B3GALT1: variants seen among roughly 807,000 people sequenced by gnomAD.
B3GALT1 encodes the protein beta-1,3-galactosyltransferase 1.
A neutral mutation model predicts 23.2 loss-of-function variants in B3GALT1; 10 were observed. That is an observed-to-expected ratio of 0.43 (90% CI 0.27 to 0.73). The LOEUF is 0.73. Ranked by LOEUF, B3GALT1 falls within the 30% of genes least tolerant of loss-of-function variation. B3GALT1 has a pLI of 0.21. For missense variants in B3GALT1, 299 were observed against 405.4 expected, an observed-to-expected ratio of 0.74 and a Z score of 2.25; for synonymous variants, 156 against 141.5, an observed-to-expected ratio of 1.10 and a Z score of -0.73.
intron 1 of B3GALT1, among the ~76,000 whole-genome samples, chr2:167,311,566 A>G (rs1696634717): frequency 1.3e-5 from 2 of 152,070 alleles, no homozygotes; most frequent in Non-Finnish European, 2.9e-5. Flanking sequence ...TATGTAAACT[A>G]TAATATAGCT....
At chr2:167,453,310 G>T (rs559255652) in intron 1 of B3GALT1, among the ~76,000 whole-genome samples, 1 of 152,296 alleles carries the variant, frequency 6.6e-6, no homozygotes, top group Non-Finnish European at 1.5e-5. Context: ...CTACACTAAA[G>T]CAGGTAATCC....
chr2:167,317,777 C>G (rs918206048), intron 1 of B3GALT1, among the ~76,000 whole-genome samples: 1 of 152,060 alleles, frequency 6.6e-6, no homozygotes, highest in Non-Finnish European at 1.5e-5. Flanking sequence ...TTTCCTGACA[C>G]ATTGCAGAAT....
intron 1 of B3GALT1, among the ~76,000 whole-genome samples, chr2:167,393,059 C>T (rs914526035): frequency 1.3e-5 from 2 of 151,920 alleles, no homozygotes; most frequent in South Asian, 2.1e-4. Flanking sequence ...ACGGTGAAAC[C>T]CCGTCTCTAC....
chr2:167,676,552 C>CACACACACACAT (rs1466101030), intron 3 of B3GALT1, among the ~76,000 whole-genome samples: 6 of 131,394 alleles, frequency 4.6e-5, no homozygotes, highest in Non-Finnish European at 9.3e-5. Flanking sequence ...CACACACACA[C>CACACACACACAT]ACATATATAT....
intron 3 of B3GALT1, among the ~76,000 whole-genome samples, chr2:167,790,943 A>G (rs1400761704): frequency 6.6e-6 from 1 of 152,118 alleles, no homozygotes. Flanking sequence ...TCCTAGTTAT[A>G]TTATTACATT....
chr2:167,434,176 A>G (rs150244484), intron 1 of B3GALT1, among the ~76,000 whole-genome samples: 1,924 of 152,320 alleles, frequency 0.013, 17 homozygotes, highest in Non-Finnish European at 0.019. Context: ...TTTAAGCAAA[A>G]AGAACCTAAC....
intron 3 of B3GALT1, among the ~76,000 whole-genome samples, chr2:167,773,855 T>C (rs775643539): frequency 7.9e-5 from 12 of 152,244 alleles, no homozygotes; most frequent in Admixed American, 1.3e-4. Context: ...CATTCATTCT[T>C]GCCAGTCTAC....
At chr2:167,693,312 A>G (rs538989319) in intron 3 of B3GALT1, among the ~76,000 whole-genome samples, 17 of 152,236 alleles carry the variant, frequency 1.1e-4, no homozygotes, top group East Asian at 5.8e-4. Context: ...CCAGATGCCA[A>G]TGAGTGTGGC....
At chr2:167,562,673 T>A (rs1377375381) in intron 2 of B3GALT1, among the ~76,000 whole-genome samples, 1 of 147,464 alleles carries the variant, frequency 6.8e-6, no homozygotes, top group African/African-American at 2.6e-5. Flanking sequence ...TTTTAATTGA[T>A]CATTCTTGGG....
intron 1 of B3GALT1, among the ~76,000 whole-genome samples, chr2:167,441,558 T>G (rs140000754): frequency 0.013 from 1,923 of 152,326 alleles, 23 homozygotes; most frequent in Middle Eastern, 0.044. Flanking sequence ...TCGTGTTATC[T>G]TCCAGAAACT....
intron 2 of B3GALT1, among the ~76,000 whole-genome samples, chr2:167,623,748 T>C (rs1215806900): frequency 6.6e-6 from 1 of 152,046 alleles, no homozygotes; most frequent in Non-Finnish European, 1.5e-5. Context: ...ACTTAAAGTA[T>C]AATAATTAAC....
At chr2:167,366,742 C>A (rs1386908985) in intron 1 of B3GALT1, among the ~76,000 whole-genome samples, 3 of 152,148 alleles carry the variant, frequency 2.0e-5, no homozygotes, top group Non-Finnish European at 4.4e-5. Context: ...GCTGGAGGAT[C>A]CACTCATAAG....
At chr2:167,738,620 C>T (rs1687527832) in intron 3 of B3GALT1, among the ~76,000 whole-genome samples, 1 of 152,054 alleles carries the variant, frequency 6.6e-6, no homozygotes, top group Admixed American at 6.6e-5. Flanking sequence ...AATATGGATA[C>T]ACAAACAAAC....
At chr2:167,862,320 T>C (rs1488938339) in intron 4 of B3GALT1, among the ~76,000 whole-genome samples, 4 of 152,272 alleles carry the variant, frequency 2.6e-5, no homozygotes, top group South Asian at 4.1e-4. Context: ...TAAATCGCAG[T>C]CTGAGCCCAA....
intron 2 of B3GALT1, among the ~76,000 whole-genome samples, chr2:167,507,654 C>T (rs1699940795): frequency 6.6e-6 from 1 of 151,504 alleles, no homozygotes. Context: ...ATATTAGTAG[C>T]TAACCAACAC....
chr2:167,670,531 T>C (rs1686305978), intron 3 of B3GALT1, among the ~76,000 whole-genome samples: 1 of 152,088 alleles, frequency 6.6e-6, no homozygotes, highest in South Asian at 2.1e-4. Context: ...ACCACCAAAG[T>C]AATAAAATAA....
chr2:167,432,357 A>G lies in B3GALT1; in HGVS notation c.-510-57820A>G, dbSNP rs555861537. ...ACTGAAAAAGTAATAAGATTGGTCC[A>G]AAGAAACAAGACAATTGGTTCACCT... On this transcript the variant is annotated intron_variant, in intron 1 of 4. Coordinates refer to ENST00000392690, the MANE Select transcript of B3GALT1 (RefSeq NM_020981.4). 6.6e-5 allele frequency among the ~76,000 whole-genome samples: 10 copies of G among 152,338 alleles called. No individual in the cohort carries two copies. The East Asian group carries it at 9.7e-4, about 15-fold the overall frequency.
At chr2:167,588,856 T>A in intron 2 of B3GALT1, among the ~76,000 whole-genome samples, 1 of 143,606 alleles carries the variant, frequency 7.0e-6, no homozygotes, top group Admixed American at 6.8e-5. Context: ...TTTCCTTCCT[T>A]CCTTCCTTCT....
intron 2 of B3GALT1, among the ~76,000 whole-genome samples, chr2:167,530,794 T>C (rs1683313770): frequency 6.6e-6 from 1 of 152,210 alleles, no homozygotes. Flanking sequence ...TTCAATTGAA[T>C]ATCTTTTTTT....
Sources: allele counts gnomAD v4.1 joint callset (sites outside exome capture counted in the v4.1 genomes callset), GRCh38; gene constraint gnomAD v4.1.1; transcripts MANE v1.5; gene names NCBI Gene and HGNC (gene_info 2026-07-23, HGNC 2026-07-21).